Variants in EPOR observed in about 807,000 individuals in gnomAD.
The protein encoded by EPOR is erythropoietin receptor.
In EPOR, 20 loss-of-function variants were observed where a neutral mutation model predicts 34.3. The ratio of observed to expected loss-of-function variants is 0.58; its 90% CI spans 0.41 to 0.85. The LOEUF (loss-of-function observed/expected upper bound fraction) is 0.85, where lower values mean the gene tolerates loss of function less well. Ranked by LOEUF, EPOR falls within the 40% of genes least tolerant of loss-of-function variation. EPOR has a pLI of 0.00. For synonymous variants in EPOR, 312 were observed against 299.0 expected (o/e 1.04, Z -0.45); for missense variants, 601 against 672.7 (o/e 0.89, Z 1.18).
Position 11,378,761 on chromosome 19 carries a change from ATCT to A in EPOR, c.842_844del (p.Lys281del), listed in dbSNP as rs781223562. 28 of 1,614,166 alleles carry A rather than the reference ATCT, an allele frequency of 1.7e-5. No individual in the cohort carries two copies. Among genetic ancestry groups the A allele is most frequent in the Admixed American group, 8.3e-5 (5 of 60,014 alleles). Reference sequence around the variant, plus strand: ...CTCTGGGCTCGGGATGCCAGGCCAGATCTTCTGCTTCAGAGCCCTGTTGAAGCC... The same window carrying A: ...CTCTGGGCTCGGGATGCCAGGCCAGATCTGCTTCAGAGCCCTGTTGAAGCC... On this transcript the variant is annotated inframe_deletion, in exon 7 of 8. Transcript: ENST00000222139. This position sits in a 1 kb window ranked among gnomAD's most constrained non-coding sequence, Gnocchi z 5.3.
intron 6 of EPOR, among the ~76,000 whole-genome samples, chr19:11,380,394 A>T (rs769431569): frequency 3.9e-5 from 6 of 152,232 alleles, no homozygotes; most frequent in Non-Finnish European, 8.8e-5. Flanking sequence ...GACGACTAGA[A>T]GATTGCTTAG....
In EPOR at chr19:11,381,625, C is replaced by A; in HGVS notation, c.585+67G>T. 1 of 1,525,904 alleles carries A rather than the reference C, an allele frequency of 6.6e-7. No homozygotes were observed. Among genetic ancestry groups the A allele is most frequent in the Admixed American group, 2.0e-5 (1 of 51,110 alleles). The allele number at this position is 1,525,904 out of a possible 1,614,324, so 94.5% of individuals were successfully genotyped here. On this transcript the variant is annotated intron_variant, in intron 4 of 7. Coordinates refer to ENST00000222139, the MANE Select transcript of EPOR (RefSeq NM_000121.4). This position sits in a 1 kb window ranked among gnomAD's most constrained non-coding sequence, Gnocchi z 5.3. The stretch of plus-strand genomic sequence containing the variant: ...CCCTGAAAGCGGCACCGGGCGCGAC[C>A]TCGAGAGGCGTGGCTGGGCCGTAGT...
intron 2 of EPOR, 108 bp from the exon 3 acceptor site, chr19:11,382,213 G>T (rs560392821): frequency 9.0e-6 from 8 of 893,852 alleles, no homozygotes; most frequent in African/African-American, 8.2e-5. Flanking sequence ...AGCCTTGTGT[G>T]TGTGTGTGAC....
rs1209666092 is a variant in EPOR, at chr19:11,381,158, G to C, written c.637C>G (p.Arg213Gly). 6.4e-6 allele frequency: 10 copies of C among 1,555,078 alleles called. No homozygotes were observed. The highest frequency in any genetic ancestry group is 4.8e-5 in the East Asian group (2 of 41,476). The stretch of plus-strand genomic sequence containing the variant: ...CGGACGGCGAAGGTGTAGCGCGTCC[G>C]GCCCCGCAGGTTGCTCAGCACACAC... ...TECVLSNLRG[R>G]TRYTFAVRAR... Residue 213 changes from arginine to glycine, a missense_variant, in exon 5 of 8, where the codon CGG becomes GGG. Physicochemically the swap from Arg to Gly is moderately radical, Grantham distance 125. Coordinates refer to ENST00000222139, the MANE Select transcript of EPOR (RefSeq NM_000121.4). The surrounding 1 kb of genome is among the most constrained non-coding windows in gnomAD (Gnocchi z 5.3).
chr19:11,378,455 C>T lies in EPOR; in HGVS notation c.1056G>A (p.Glu352=), dbSNP rs1413059866. 2.5e-6 allele frequency: 4 copies of T among 1,614,176 alleles called. No individual in the cohort carries two copies. Among genetic ancestry groups the T allele is most frequent in the Non-Finnish European group, 3.4e-6 (4 of 1,180,022 alleles). ...TGCCCACTGGCTCCAGCAGGGGGCC[C>T]TCATCATCTGTCCCCGGCTCCACTG... The part of the protein sequence containing the change: ...MQAVEPGTDD[E]GPLLEPVGSE... Residue 352 remains glutamate (E), a synonymous_variant, in exon 8 of 8, where the codon GAG becomes GAA. Transcript: ENST00000222139. The surrounding 1 kb of genome is among the most constrained non-coding windows in gnomAD (Gnocchi z 5.3).
rs182846484 is a variant in EPOR, at chr19:11,382,229, G to A, written c.252-124C>T. 39 of 801,366 alleles carry A rather than the reference G, an allele frequency of 4.9e-5. No individual in the cohort carries two copies. The East Asian group carries it at 1.0e-3, about 21-fold the overall frequency. The allele number at this position is 801,366 out of a possible 1,614,324, so 49.6% of individuals were successfully genotyped here. A position where few individuals can be genotyped will look rare whatever the true frequency, so the allele number is the denominator to read the frequency against. On this transcript the variant is annotated intron_variant, in intron 2 of 7. Coordinates refer to ENST00000222139, the MANE Select transcript of EPOR (RefSeq NM_000121.4). The stretch of plus-strand genomic sequence containing the variant: ...GCCTTGTGTGTGTGTGTGACAAGGT[G>A]TTCCTTCGTCGCCCAGGCTGGAGTG...
chr19:11,378,600 A>G lies in EPOR; in HGVS notation c.916-5T>C, dbSNP rs905718217. 6.2e-7 allele frequency: 1 copy of G among 1,614,204 alleles called. No individual in the cohort carries two copies. The highest frequency in any genetic ancestry group is 1.3e-5 in the African/African-American group (1 of 75,052). On this transcript the variant is annotated splice_polypyrimidine_tract_variant and splice_region_variant and intron_variant, in intron 7 of 7. Coordinates refer to ENST00000222139, the MANE Select transcript of EPOR (RefSeq NM_000121.4). This position sits in a 1 kb window ranked among gnomAD's most constrained non-coding sequence, Gnocchi z 5.3. ...ATCATTCTGGTACAGCCACAGCTGA[A>G]GAAATAGCACCAACCTGCTCAGAGA...
In EPOR at chr19:11,383,678, A is replaced by C; in HGVS notation, c.115+415T>G. On this transcript the variant is annotated intron_variant, in intron 1 of 7. Coordinates refer to ENST00000222139, the MANE Select transcript of EPOR (RefSeq NM_000121.4). The surrounding 1 kb of genome is among the most constrained non-coding windows in gnomAD (Gnocchi z 4.9). ...GCCGGGCAAGTGATCTGGCGCCCTC[A>C]CACAAACCGTGTTTACAGTAGCCTG... is the stretch of plus-strand genomic sequence containing the variant. The C allele has an allele frequency of 8.2e-6, 2 of 242,530 alleles. No individual in the cohort carries two copies. Among genetic ancestry groups the C allele is most frequent in the Non-Finnish European group, 1.6e-5 (2 of 123,348 alleles). The allele number at this position is 242,530 out of a possible 1,614,324, so 15.0% of individuals were successfully genotyped here.
rs769476347 is a variant in EPOR, at chr19:11,377,837, G to A, written c.*147C>T. 6.7e-6 allele frequency: 6 copies of A among 897,794 alleles called. No individual in the cohort carries two copies. In the East Asian group the frequency reaches 1.2e-4, roughly 18 times the overall value. 55.6% of individuals were successfully genotyped at this position (897,794 alleles called of 1,614,324 possible). On this transcript the variant is annotated 3_prime_UTR_variant, in exon 8 of 8. Coordinates refer to ENST00000222139, the MANE Select transcript of EPOR (RefSeq NM_000121.4). ...ATATTTAAAAATACTGCAAGGTTGT[G>A]GTTTCCTGAGCAGGATGGATTGGGC...
chr19:11,381,843 A>G lies in EPOR; in HGVS notation c.434T>C (p.Leu145Pro). 1 of 1,614,106 alleles carries G rather than the reference A, an allele frequency of 6.2e-7. No individual in the cohort carries two copies. The change falls in exon 4 of 8, where the codon CTA becomes CCA. Residue 145 changes from leucine to proline, a missense_variant. Transcript: ENST00000222139. The surrounding 1 kb of genome is among the most constrained non-coding windows in gnomAD (Gnocchi z 5.3). The part of the protein sequence containing the change: ...RVIHINEVVL[L>P]DAPVGLVARL... ...CGCCACCAGCCCCACGGGGGCGTCT[A>G]GGAGCACTGCAGGCATGGGGGTTGG...
chr19:11,383,260 T>A lies in EPOR; in HGVS notation c.116-28A>T, dbSNP rs1256232868. 1.3e-6 allele frequency: 2 copies of A among 1,571,334 alleles called. No individual in the cohort carries two copies. The highest frequency in any genetic ancestry group is 1.7e-5 in the Admixed American group (1 of 57,688). ...GGGGAGGGGCGACAAAGGAAGGGCATGGGGGTCTGAGCTCTATCCTCGGGA... is the reference window on the plus strand; with the variant it reads ...GGGGAGGGGCGACAAAGGAAGGGCAAGGGGGTCTGAGCTCTATCCTCGGGA... On this transcript the variant is annotated intron_variant, in intron 1 of 7. Coordinates refer to ENST00000222139, the MANE Select transcript of EPOR (RefSeq NM_000121.4). The surrounding 1 kb of genome is among the most constrained non-coding windows in gnomAD (Gnocchi z 4.9).
At position 11,381,585 on chromosome 19, in the gene EPOR, G is replaced by A. The variant is rs1222471703; in HGVS notation, c.585+107C>T. ...TCAGCACCAGGGTAATGGGATGTGG[G>A]ATGTTACGGACCGGCCCTGAAAGCG... is the stretch of plus-strand genomic sequence containing the variant. On this transcript the variant is annotated intron_variant, in intron 4 of 7. Transcript: ENST00000222139. The surrounding 1 kb of genome is among the most constrained non-coding windows in gnomAD (Gnocchi z 5.3). 2.6e-6 allele frequency: 3 copies of A among 1,153,198 alleles called. No homozygotes were observed. Among genetic ancestry groups the A allele is most frequent in the Non-Finnish European group, 3.7e-6 (3 of 808,512 alleles). The allele number at this position is 1,153,198 out of a possible 1,614,324, so 71.4% of individuals were successfully genotyped here. A position where few individuals can be genotyped will look rare whatever the true frequency, so the allele number is the denominator to read the frequency against.
In EPOR at chr19:11,383,206, C is replaced by T. The variant is rs1455674877; in HGVS notation, c.142G>A (p.Glu48Lys). Residue 48 changes from glutamate to lysine, a missense_variant, in exon 2 of 8, where the codon GAA becomes AAA. By Grantham distance (56) the Glu-to-Lys change is moderately conservative. Transcript: ENST00000222139. The surrounding 1 kb of genome is among the most constrained non-coding windows in gnomAD (Gnocchi z 4.9). ...KAALLAARGP[E>K]ELLCFTERLE... Reference sequence around the variant, plus strand: ...CGCTCGGTGAAGCACAGAAGCTCTTCGGGCCCCCGGGCCGCCAGCAAGGCC... The same window carrying T: ...CGCTCGGTGAAGCACAGAAGCTCTTTGGGCCCCCGGGCCGCCAGCAAGGCC... The T allele has an allele frequency of 6.2e-7, 1 of 1,603,412 alleles. No homozygotes were observed. Among genetic ancestry groups the T allele is most frequent in the Admixed American group, 1.7e-5 (1 of 59,660 alleles).
Position 11,378,873 on chromosome 19 carries a change from T to C in EPOR, c.828-95A>G, listed in dbSNP as rs770726628. ...CCAGTCATAGAGGCACAGATACACT[T>C]GGTCCCTGTGATCACAATGGAGGCA... On this transcript the variant is annotated intron_variant, in intron 6 of 7. Coordinates refer to ENST00000222139, the MANE Select transcript of EPOR (RefSeq NM_000121.4). This position sits in a 1 kb window ranked among gnomAD's most constrained non-coding sequence, Gnocchi z 5.3. 81 of 1,246,436 alleles carry C rather than the reference T, an allele frequency of 6.5e-5. No individual in the cohort carries two copies. Among genetic ancestry groups the C allele is most frequent in the Non-Finnish European group, 1.6e-5 (14 of 868,670 alleles). The allele number at this position is 1,246,436 out of a possible 1,614,324, so 77.2% of individuals were successfully genotyped here. A position where few individuals can be genotyped will look rare whatever the true frequency, so the allele number is the denominator to read the frequency against.
In EPOR at chr19:11,378,150, T is replaced by C. The variant is rs748486297; in HGVS notation, c.1361A>G (p.Tyr454Cys). 16 of 1,613,922 alleles carry C rather than the reference T, an allele frequency of 9.9e-6. No homozygotes were observed. Among genetic ancestry groups the C allele is most frequent in the Non-Finnish European group, 1.3e-5 (15 of 1,180,028 alleles). The change falls in exon 8 of 8, where the codon TAC becomes TGC. Residue 454 changes from tyrosine to cysteine, a missense_variant. Coordinates refer to ENST00000222139, the MANE Select transcript of EPOR (RefSeq NM_000121.4). This position sits in a 1 kb window ranked among gnomAD's most constrained non-coding sequence, Gnocchi z 5.3. ...ELPPTPPHLK[Y>C]LYLVVSDSGI... is the part of the protein sequence containing the mutation. ...AGAGTCAGATACCACAAGGTACAGG[T>C]ACTTTAGGTGGGGTGGGGTAGGGGG...
chr19:11,378,576 T>G lies in EPOR; in HGVS notation c.935A>C (p.Asp312Ala). 1 of 1,614,146 alleles carries G rather than the reference T, an allele frequency of 6.2e-7. No homozygotes were observed. The highest frequency in any genetic ancestry group is 1.3e-5 in the African/African-American group (1 of 75,036). ...GNFQLWLYQN[D>A]GCLWWSPCTP... is the part of the protein sequence containing the mutation. ...GCAGGGGCTCCACCACAGGCAGCCATCATTCTGGTACAGCCACAGCTGAAG... is the reference window on the plus strand; with the variant it reads ...GCAGGGGCTCCACCACAGGCAGCCAGCATTCTGGTACAGCCACAGCTGAAG... The change falls in exon 8 of 8, where the codon GAT (aspartate) becomes GCT (alanine). Residue 312 changes from aspartate (D) to alanine (A), a missense_variant. Asp to Ala is a moderately radical substitution (Grantham distance 126, BLOSUM62 -2). Coordinates refer to ENST00000222139, the MANE Select transcript of EPOR (RefSeq NM_000121.4). This position sits in a 1 kb window ranked among gnomAD's most constrained non-coding sequence, Gnocchi z 5.3.
In EPOR at chr19:11,377,831, G is replaced by A. The variant is rs1968301121; in HGVS notation, c.*153C>T. ...CTATACATATTTAAAAATACTGCAA[G>A]GTTGTGGTTTCCTGAGCAGGATGGA... On this transcript the variant is annotated 3_prime_UTR_variant, in exon 8 of 8. Transcript: ENST00000222139. 3.5e-6 allele frequency: 3 copies of A among 854,322 alleles called. No individual in the cohort carries two copies. The highest frequency in any genetic ancestry group is 4.0e-6 in the Non-Finnish European group (2 of 499,382). 52.9% of individuals were successfully genotyped at this position (854,322 alleles called of 1,614,324 possible).
rs1968345017 is a variant in EPOR, at chr19:11,380,870, A to G, written c.827+14T>C. 1 of 1,549,188 alleles carries G rather than the reference A, an allele frequency of 6.5e-7. No individual in the cohort carries two copies. Among genetic ancestry groups the G allele is most frequent in the Admixed American group, 2.0e-5 (1 of 50,958 alleles). On this transcript the variant is annotated intron_variant, in intron 6 of 7. Coordinates refer to ENST00000222139, the MANE Select transcript of EPOR (RefSeq NM_000121.4). ...GGGAGGAGTCTGGGCCCAGCGCCCA[A>G]ATGGGGAGCTCACCGGCGGTGGGAG... is the stretch of plus-strand genomic sequence containing the variant.
rs1488802289 is a variant in EPOR, at chr19:11,381,727, C to A, written c.550G>T (p.Val184Phe). Residue 184 changes from valine (V) to phenylalanine (F), a missense_variant, in exon 4 of 8, where the codon GTC (valine) becomes TTC (phenylalanine). Coordinates refer to ENST00000222139, the MANE Select transcript of EPOR (RefSeq NM_000121.4). The surrounding 1 kb of genome is among the most constrained non-coding windows in gnomAD (Gnocchi z 5.3). Reference sequence around the variant, plus strand: ...CTCCCTGCGCCGTTGCCGGCCGAGACGTCCACCTCGTAGCGGATGTGAGAC... The same window carrying A: ...CTCCCTGCGCCGTTGCCGGCCGAGAAGTCCACCTCGTAGCGGATGTGAGAC... ...MTSHIRYEVD[V>F]SAGNGAGSVQ... 1 of 1,611,876 alleles carries A rather than the reference C, an allele frequency of 6.2e-7. No individual in the cohort carries two copies. Among genetic ancestry groups the A allele is most frequent in the African/African-American group, 1.3e-5 (1 of 74,900 alleles).
Sources: allele counts gnomAD v4.1 joint callset (sites outside exome capture counted in the v4.1 genomes callset), GRCh38; gene constraint gnomAD v4.1.1; non-coding constraint Gnocchi (gnomAD v3.1); transcripts MANE v1.5; gene names NCBI Gene and HGNC (gene_info 2026-07-23, HGNC 2026-07-21).